PLXNA4: variants seen among roughly 807,000 people sequenced by gnomAD.
PLXNA4 encodes the protein plexin-A4.
In PLXNA4, 44 loss-of-function variants were observed where a neutral mutation model predicts 191.8. The observed-to-expected ratio is 0.23, with a 90% CI of 0.18 to 0.29. PLXNA4 has a LOEUF of 0.29. PLXNA4 is among the 10% of genes least tolerant of loss of function. PLXNA4 has a pLI of 1.00. For synonymous variants in PLXNA4, 1,082 were observed against 1,009.5 expected (o/e 1.07, Z -1.36); for missense variants, 1,800 against 2,488.8 (o/e 0.72, Z 5.89).
At chr7:132,637,314 G>T (rs535124544) in intron 2 of PLXNA4, among the ~76,000 whole-genome samples, 7 of 152,262 alleles carry the variant, frequency 4.6e-5, no homozygotes, top group African/African-American at 1.7e-4. Flanking sequence ...CCCTTCACCT[G>T]CTGTGTCCGT....
intron 3 of PLXNA4, among the ~76,000 whole-genome samples, chr7:132,377,200 G>A (rs890727150): frequency 6.6e-6 from 1 of 151,866 alleles, no homozygotes; most frequent in Non-Finnish European, 1.5e-5. Flanking sequence ...TTGTTTACTG[G>A]GACCCAGTTG....
intron 3 of PLXNA4, among the ~76,000 whole-genome samples, chr7:132,375,627 C>T (rs1395031344): frequency 6.6e-6 from 1 of 152,098 alleles, no homozygotes; most frequent in African/African-American, 2.4e-5. Context: ...CAGTAGCAGT[C>T]CAGGAAAGGG....
chr7:132,349,030 C>T (rs1473397659), intron 3 of PLXNA4, among the ~76,000 whole-genome samples: 1 of 152,186 alleles, frequency 6.6e-6, no homozygotes, highest in East Asian at 1.9e-4. Flanking sequence ...ATGTGTACTT[C>T]TGTTTGCTCC....
intron 1 of PLXNA4, among the ~76,000 whole-genome samples, chr7:132,575,039 T>C (rs1802162388): frequency 6.6e-6 from 1 of 152,212 alleles, no homozygotes. Context: ...ATGATCATGT[T>C]GCCTAGAAAG....
At chr7:132,170,484 C>T (rs1796252470) in intron 21 of PLXNA4, among the ~76,000 whole-genome samples, 1 of 152,248 alleles carries the variant, frequency 6.6e-6, no homozygotes, top group Non-Finnish European at 1.5e-5. Flanking sequence ...CTGCTCTACT[C>T]TTGAGGTTTT....
At chr7:132,154,752 C>G (rs941799895) in intron 25 of PLXNA4, among the ~76,000 whole-genome samples, 7 of 152,108 alleles carry the variant, frequency 4.6e-5, no homozygotes, top group Non-Finnish European at 7.4e-5. Context: ...GGAAGGTGAC[C>G]CTGGCACTCA....
intron 3 of PLXNA4, among the ~76,000 whole-genome samples, chr7:132,432,978 A>C (rs1194780264): frequency 6.6e-6 from 1 of 152,164 alleles, no homozygotes; most frequent in Middle Eastern, 3.2e-3. Flanking sequence ...CCACCATTGT[A>C]AGTGTTTCTC....
chr7:132,342,458 C>T (rs781139985), intron 3 of PLXNA4, among the ~76,000 whole-genome samples: 20 of 152,040 alleles, frequency 1.3e-4, no homozygotes, highest in South Asian at 1.2e-3. Flanking sequence ...TAAAATATCA[C>T]GCTGTAGACA....
rs1029208298 is a variant in PLXNA4 at position 132,194,112 on chromosome 7, C to T, written c.2806G>A (p.Val936Met). 4.3e-6 allele frequency: 7 copies of T among 1,614,044 alleles called. No homozygotes were observed. The highest frequency in any genetic ancestry group is 8.5e-7 in the Non-Finnish European group (1 of 1,179,936). ...HAGFVEICVA[V>M]CRPEFMARSS... Reference sequence around the variant, plus strand: ...CGGGCCATGAATTCAGGCCGACACACAGCCACGCAGATCTCCACGAAGCCT... The same window carrying T: ...CGGGCCATGAATTCAGGCCGACACATAGCCACGCAGATCTCCACGAAGCCT... Residue 936 changes from valine (V) to methionine (M), a missense_variant, in exon 14 of 32, where the codon GTG becomes ATG. Val to Met is a conservative substitution (Grantham distance 21). Around this residue, in one of 6 missense-constraint regions of PLXNA4, gnomAD observed 1,397 missense variants for 1,880.4 expected, o/e 0.74. Transcript: ENST00000321063.
At position 132,435,749 on chromosome 7, in the gene PLXNA4, A is replaced by G. The variant is rs112992416; in HGVS notation, c.1371+53543T>C. ...GTAGCCAGCGTGAGTGTGACCATCC[A>G]CAGCACGTCCACTGAGCCCATCTCC... On this transcript the variant is annotated intron_variant, in intron 3 of 31. Transcript: ENST00000321063. 9.1e-3 allele frequency among the ~76,000 whole-genome samples: 1,389 copies of G among 152,266 alleles called. 12 individuals carry two copies. The highest frequency in any genetic ancestry group is 0.037 in the Middle Eastern group (11 of 294).
chr7:132,497,181 A>G (rs1798059600), intron 2 of PLXNA4, among the ~76,000 whole-genome samples: 1 of 151,874 alleles, frequency 6.6e-6, no homozygotes, highest in African/African-American at 2.4e-5. Flanking sequence ...GCACACCTCC[A>G]CTGGAAATGG....
intron 21 of PLXNA4, among the ~76,000 whole-genome samples, chr7:132,169,358 G>A (rs905165593): frequency 6.6e-6 from 1 of 152,186 alleles, no homozygotes; most frequent in African/African-American, 2.4e-5. Context: ...AATGACTCAG[G>A]TAGGTGTGGA....
chr7:132,149,905 G>T (rs1283136784), intron 25 of PLXNA4, among the ~76,000 whole-genome samples: 1 of 152,204 alleles, frequency 6.6e-6, no homozygotes, highest in Non-Finnish European at 1.5e-5. Flanking sequence ...TTGTGTATTT[G>T]TTGTGGTCTG....
At chr7:132,239,657 C>A (rs1798813404) in intron 5 of PLXNA4, among the ~76,000 whole-genome samples, 1 of 152,182 alleles carries the variant, frequency 6.6e-6, no homozygotes, top group Non-Finnish European at 1.5e-5. Flanking sequence ...ACAATTCTGG[C>A]CTGATCTGAG....
At chr7:132,578,184 C>A (rs982979801), upstream of PLXNA4, among the ~76,000 whole-genome samples, 38 of 152,116 alleles carry the variant, frequency 2.5e-4, no homozygotes, top group Non-Finnish European at 3.8e-4. Context: ...TAGGAATGGG[C>A]CCACCCACCA....
intron 3 of PLXNA4, among the ~76,000 whole-genome samples, chr7:132,321,587 T>G (rs1177693663): frequency 1.3e-5 from 2 of 152,218 alleles, no homozygotes; most frequent in Non-Finnish European, 2.9e-5. Flanking sequence ...GCTGAAATGT[T>G]GGTGCACCAT....
At chr7:132,640,458 T>A (rs1023672843) in intron 2 of PLXNA4, among the ~76,000 whole-genome samples, 1 of 152,136 alleles carries the variant, frequency 6.6e-6, no homozygotes, top group African/African-American at 2.4e-5. Flanking sequence ...AATGAGGTCA[T>A]ATGACTGGTG....
chr7:132,597,859 C>CTCTCTATG (rs10660880), intron 2 of PLXNA4, among the ~76,000 whole-genome samples: 1 of 145,278 alleles, frequency 6.9e-6, no homozygotes, highest in African/African-American at 2.5e-5. Context: ...CTCTCTCTCT[C>CTCTCTATG]TATATATATA....
At chr7:132,306,237 A>G (rs889569255) in intron 3 of PLXNA4, among the ~76,000 whole-genome samples, 1 of 152,214 alleles carries the variant, frequency 6.6e-6, no homozygotes, top group African/African-American at 2.4e-5. Flanking sequence ...CCCTTGCAAC[A>G]AAATGCAAAC....
Sources: allele counts gnomAD v4.1 joint callset (sites outside exome capture counted in the v4.1 genomes callset), GRCh38; gene constraint gnomAD v4.1.1; regional missense constraint gnomAD v4.1.1; transcripts MANE v1.5; gene names NCBI Gene and HGNC (gene_info 2026-07-23, HGNC 2026-07-21).